Variants in ASAP2 observed in about 807,000 individuals in gnomAD.
ASAP2 encodes arf-GAP with SH3 domain, ANK repeat and PH domain-containing protein 2.
In ASAP2, 45 loss-of-function variants were observed where a neutral mutation model predicts 131.4. That is an observed-to-expected ratio of 0.34 (90% CI 0.27 to 0.44). The LOEUF is 0.44. ASAP2 is among the 20% of genes least tolerant of loss of function. ASAP2 has a pLI of 1.00. For missense variants in ASAP2, 1,011 were observed against 1,297.0 expected (o/e 0.78, Z 3.39); for synonymous variants, 510 against 503.0 (o/e 1.01, Z -0.19).
At chr2:9,361,520 C>G (rs1438127123) in intron 15 of ASAP2, among the ~76,000 whole-genome samples, 1 of 152,008 alleles carries the variant, frequency 6.6e-6, no homozygotes, top group Non-Finnish European at 1.5e-5. Context: ...TTCTTTCTTT[C>G]TTTTCTTTTC....
At chr2:9,334,107 C>G (rs1671029308) in intron 7 of ASAP2, among the ~76,000 whole-genome samples, 2 of 131,530 alleles carry the variant, frequency 1.5e-5, no homozygotes, top group South Asian at 5.3e-4. Flanking sequence ...AATGCAGTGG[C>G]ATGATCTCGG....
chr2:9,230,242 A>G (rs940787887), intron 1 of ASAP2, among the ~76,000 whole-genome samples: 23 of 152,342 alleles, frequency 1.5e-4, no homozygotes, highest in African/African-American at 4.6e-4. Context: ...TGGCAACACC[A>G]AATCAGTCAT....
chr2:9,259,121 T>C (rs1302882482), intron 1 of ASAP2, among the ~76,000 whole-genome samples: 5 of 152,256 alleles, frequency 3.3e-5, no homozygotes, highest in African/African-American at 4.8e-5. Context: ...CCTTACTTGC[T>C]GCTGCCCAGG....
chr2:9,283,418 C>T (rs892348994), intron 2 of ASAP2, among the ~76,000 whole-genome samples: 7 of 152,148 alleles, frequency 4.6e-5, no homozygotes, highest in African/African-American at 7.2e-5. Context: ...TCTTTCAGTT[C>T]GGCCATGGGA....
At chr2:9,208,196 C>T (rs1661272795) in intron 1 of ASAP2, among the ~76,000 whole-genome samples, 1 of 152,132 alleles carries the variant, frequency 6.6e-6, no homozygotes, top group Admixed American at 6.5e-5. Context: ...TAGCACTCTG[C>T]TCGGCTCAGA....
At chr2:9,221,443 C>T (rs1012569207) in intron 1 of ASAP2, among the ~76,000 whole-genome samples, 1 of 151,666 alleles carries the variant, frequency 6.6e-6, no homozygotes, top group Non-Finnish European at 1.5e-5. Context: ...GCATGAGCCA[C>T]TGCACCTGGC....
intron 9 of ASAP2, 150 bp from the exon 10 acceptor site, chr2:9,344,382 C>T: frequency 1.6e-6 from 1 of 620,950 alleles, no homozygotes; most frequent in African/African-American, 1.9e-5. Context: ...ATCTGATGTC[C>T]CTTTTTTGCT....
At chr2:9,399,017 G>C (rs1279705633) in intron 24 of ASAP2, 1 of 152,116 alleles carries the variant, frequency 6.6e-6, no homozygotes, top group East Asian at 1.9e-4. Context: ...GAAAACAAAT[G>C]GCTAGACTGG....
chr2:9,239,794 C>T (rs1412204711), intron 1 of ASAP2, among the ~76,000 whole-genome samples: 4 of 151,916 alleles, frequency 2.6e-5, no homozygotes, highest in East Asian at 1.9e-4. Context: ...GGAGTGGTCA[C>T]GGCTCACTGC....
Position 9,279,247 on chromosome 2 carries a change from A to G in ASAP2, c.127-70A>G, listed in dbSNP as rs1026552565. 5 of 1,467,522 alleles carry G rather than the reference A, an allele frequency of 3.4e-6. No individual in the cohort carries two copies. The African/African-American group carries it at 5.6e-5, about 16-fold the overall frequency. 90.9% of individuals were successfully genotyped at this position (1,467,522 alleles called of 1,614,324 possible). A position where few individuals can be genotyped will look rare whatever the true frequency, so the allele number is the denominator to read the frequency against. The stretch of plus-strand genomic sequence containing the variant: ...GGCAGAGGCAATCAGAGTGGCACTC[A>G]ACGTGGTGCTCGCTGCTAGCGTGGT... On this transcript the variant is annotated intron_variant, in intron 1 of 27. Coordinates refer to ENST00000281419, the MANE Select transcript of ASAP2 (RefSeq NM_003887.3).
intron 1 of ASAP2, among the ~76,000 whole-genome samples, chr2:9,239,835 A>G (rs1663820127): frequency 6.6e-6 from 1 of 151,574 alleles, no homozygotes; most frequent in Non-Finnish European, 1.5e-5. Context: ...CAAGTGATCC[A>G]CCCACCTCAG....
At chr2:9,390,140 G>A (rs982004614) in intron 22 of ASAP2, among the ~76,000 whole-genome samples, 9 of 151,934 alleles carry the variant, frequency 5.9e-5, no homozygotes, top group African/African-American at 9.7e-5. Flanking sequence ...TCTTTTTGCC[G>A]TTCCTGTCCC....
intron 2 of ASAP2, among the ~76,000 whole-genome samples, chr2:9,296,426 G>T (rs1668156028): frequency 6.6e-6 from 1 of 152,144 alleles, no homozygotes; most frequent in African/African-American, 2.4e-5. Context: ...CGTCCAGCAG[G>T]GATTGAGAAC....
At chr2:9,397,727 GATATATATATAT>G (rs200560260) in intron 24 of ASAP2, among the ~76,000 whole-genome samples, 16 of 83,526 alleles carry the variant, frequency 1.9e-4, no homozygotes, top group African/African-American at 1.2e-3. Flanking sequence ...AAATCAAAAG[GATATATATATAT>G]ATATATATAT....
At chr2:9,302,156 G>T (rs2148416238) in intron 3 of ASAP2, among the ~76,000 whole-genome samples, 2 of 109,514 alleles carry the variant, frequency 1.8e-5, no homozygotes, top group Admixed American at 9.6e-5. Flanking sequence ...CACAGATGAT[G>T]TGAGTTAGAA....
At chr2:9,252,809 G>A (rs1021543769) in intron 1 of ASAP2, among the ~76,000 whole-genome samples, 63 of 150,768 alleles carry the variant, frequency 4.2e-4, no homozygotes, top group African/African-American at 1.2e-3. Flanking sequence ...CCAGCTACTC[G>A]GGAGGCTGAG....
At chr2:9,228,683 C>A (rs954923740) in intron 1 of ASAP2, among the ~76,000 whole-genome samples, 2 of 152,154 alleles carry the variant, frequency 1.3e-5, no homozygotes, top group Non-Finnish European at 2.9e-5. Flanking sequence ...GCCTCTGGAT[C>A]ATTGAATTTC....
In ASAP2 at chr2:9,238,208, T is replaced by C. The variant is rs144892988; in HGVS notation, c.126+30978T>C. On this transcript the variant is annotated intron_variant, in intron 1 of 27. Coordinates refer to ENST00000281419, the MANE Select transcript of ASAP2 (RefSeq NM_003887.3). The stretch of plus-strand genomic sequence containing the variant: ...CAGATGACAGGTTTAGATTGTATGC[T>C]GGTTCCTTGTATTTGTTCTGTTTTT... 2.2e-3 allele frequency among the ~76,000 whole-genome samples: 330 copies of C among 152,376 alleles called. 2 individuals carry two copies. Among genetic ancestry groups the C allele is most frequent in the Admixed American group, 3.5e-3 (53 of 15,312 alleles).
chr2:9,281,869 A>T lies in ASAP2; in HGVS notation c.199+2480A>T, dbSNP rs1326799950. 6.6e-6 allele frequency among the ~76,000 whole-genome samples: 1 copy of T among 152,142 alleles called. No individual in the cohort carries two copies. The highest frequency in any genetic ancestry group is 2.4e-5 in the African/African-American group (1 of 41,420). The stretch of plus-strand genomic sequence containing the variant: ...GTGAGTAAATACTGCAGAGCACCAG[A>T]TGAGTTCCGAGCTCTTGTGCATTGC... On this transcript the variant is annotated intron_variant, in intron 2 of 27. Coordinates refer to ENST00000281419, the MANE Select transcript of ASAP2 (RefSeq NM_003887.3). The surrounding 1 kb of genome is among the most constrained non-coding windows in gnomAD (Gnocchi z 4.0).
Sources: allele counts gnomAD v4.1 joint callset (sites outside exome capture counted in the v4.1 genomes callset), GRCh38; gene constraint gnomAD v4.1.1; non-coding constraint Gnocchi (gnomAD v3.1); transcripts MANE v1.5; gene names NCBI Gene and HGNC (gene_info 2026-07-23, HGNC 2026-07-21).